Variants in ALOX5 observed in about 807,000 individuals in gnomAD.
The protein encoded by ALOX5 is polyunsaturated fatty acid 5-lipoxygenase.
A neutral mutation model predicts 87.9 loss-of-function variants in ALOX5; 64 were observed. The observed-to-expected ratio is 0.73, with a 90% confidence interval of 0.60 to 0.90. ALOX5 has a LOEUF of 0.90. Among genes scored for constraint, ALOX5 ranks in the 40% least tolerant of loss-of-function variants. The pLI is 0.00. For missense variants in ALOX5, 822 were observed against 907.5 expected, an observed-to-expected ratio of 0.91 and a Z score of 1.21; for synonymous variants, 388 against 355.1, an observed-to-expected ratio of 1.09 and a Z score of -1.04.
chr10:45,443,889 GC>G, intron 12 of ALOX5, 61 bp downstream of exon 12: 1 of 1,525,900 alleles, frequency 6.6e-7, no homozygotes, highest in East Asian at 2.5e-5. Context: ...CTCCTCCCCC[GC>G]CCCGGTTCTG....
chr10:45,412,048 G>C, intron 3 of ALOX5, 143 bp from the exon 4 acceptor site: 3 of 1,229,614 alleles, frequency 2.4e-6, no homozygotes. Context: ...CTGGACACAG[G>C]GTCAGCCTAT....
chr10:45,429,190 G>A (rs989046995), intron 7 of ALOX5, among the ~76,000 whole-genome samples: 3 of 152,156 alleles, frequency 2.0e-5, no homozygotes, highest in Non-Finnish European at 4.4e-5. Context: ...TATGTCCACC[G>A]GAGATGAGGC....
chr10:45,423,359 A>C (rs1200935487), intron 4 of ALOX5, among the ~76,000 whole-genome samples: 1 of 151,938 alleles, frequency 6.6e-6, no homozygotes, highest in Admixed American at 6.6e-5. Flanking sequence ...ACTGGGCAGC[A>C]CTCCCACGCT....
At chr10:45,442,448 C>T (rs1842266255) in intron 9 of ALOX5, among the ~76,000 whole-genome samples, 1 of 152,222 alleles carries the variant, frequency 6.6e-6, no homozygotes, top group Admixed American at 6.5e-5. Flanking sequence ...TCTGTGGCAC[C>T]GACAGCCCAG....
chr10:45,395,555 T>C (rs909105811), intron 2 of ALOX5, among the ~76,000 whole-genome samples: 1 of 151,576 alleles, frequency 6.6e-6, no homozygotes, highest in African/African-American at 2.4e-5. Context: ...TGTATACATA[T>C]GTAACAAACC....
At chr10:45,399,242 A>G (rs1840615254) in intron 3 of ALOX5, among the ~76,000 whole-genome samples, 1 of 152,244 alleles carries the variant, frequency 6.6e-6, no homozygotes, top group African/African-American at 2.4e-5. Flanking sequence ...TTTCTGGAAA[A>G]GAAAAATCTG....
At chr10:45,409,160 A>G (rs560170619) in intron 3 of ALOX5, among the ~76,000 whole-genome samples, 166 of 152,352 alleles carry the variant, frequency 1.1e-3, no homozygotes, top group African/African-American at 3.5e-3. Flanking sequence ...ATGCTGAGCC[A>G]TCACCAATCT....
intron 2 of ALOX5, among the ~76,000 whole-genome samples, chr10:45,389,631 A>T (rs1285752393): frequency 1.3e-5 from 2 of 152,232 alleles, no homozygotes; most frequent in African/African-American, 4.8e-5. Context: ...TCCTTTACAG[A>T]CAAGCAAATG....
At chr10:45,443,998 G>A in intron 12 of ALOX5, 118 bp from the exon 13 acceptor site, 1 of 1,439,146 alleles carries the variant, frequency 6.9e-7, no homozygotes, top group South Asian at 1.4e-5. Flanking sequence ...CGGGGAAAGA[G>A]GATGGACGGA....
At chr10:45,419,061 C>G (rs982828268) in intron 4 of ALOX5, among the ~76,000 whole-genome samples, 9 of 152,178 alleles carry the variant, frequency 5.9e-5, no homozygotes, top group African/African-American at 2.2e-4. Flanking sequence ...ACCACAGGGG[C>G]GCTTTCCAGT....
chr10:45,374,765 G>A (rs1588971048), intron 1 of ALOX5, among the ~76,000 whole-genome samples: 1 of 152,188 alleles, frequency 6.6e-6, no homozygotes, highest in South Asian at 2.1e-4. Context: ...TCTGGGCTCC[G>A]AGGCTCCGGA....
chr10:45,428,415 C>G, intron 6 of ALOX5: 1 of 621,610 alleles, frequency 1.6e-6, no homozygotes, highest in Non-Finnish European at 2.7e-6. Flanking sequence ...ATTCCTTCAT[C>G]TTACCCCGAA....
chr10:45,421,008 G>A (rs1841486626), intron 4 of ALOX5, among the ~76,000 whole-genome samples: 2 of 152,240 alleles, frequency 1.3e-5, no homozygotes, highest in African/African-American at 2.4e-5. Flanking sequence ...GAAAGCTGAA[G>A]ATGCAGGAGA....
chr10:45,419,178 G>T (rs1363387392), intron 4 of ALOX5, among the ~76,000 whole-genome samples: 1 of 152,258 alleles, frequency 6.6e-6, no homozygotes, highest in African/African-American at 2.4e-5. Context: ...CTGTCAGGCC[G>T]CGCGGAGGCT....
At chr10:45,393,988 C>T (rs1256830811) in intron 2 of ALOX5, among the ~76,000 whole-genome samples, 5 of 152,220 alleles carry the variant, frequency 3.3e-5, no homozygotes, top group Admixed American at 3.3e-4. Context: ...ATCCCATGCT[C>T]ATGGATAGGA....
intron 1 of ALOX5, among the ~76,000 whole-genome samples, chr10:45,381,141 G>C (rs549609322): frequency 1.8e-4 from 28 of 152,252 alleles, no homozygotes; most frequent in Non-Finnish European, 2.6e-4. Context: ...GAGCCTGGCA[G>C]GGAGGGGGCC....
At position 45,390,483 on chromosome 10, in the gene ALOX5, C is replaced by A. The variant is rs57808325; in HGVS notation, c.350-5372C>A. 8.0e-3 allele frequency among the ~76,000 whole-genome samples: 1,221 copies of A among 152,304 alleles called. 15 individuals carry two copies. The highest frequency in any genetic ancestry group is 0.028 in the African/African-American group (1,156 of 41,546). The stretch of plus-strand genomic sequence containing the variant: ...AAATGTAAAAGAACAGAAACCATAA[C>A]AAACTGTCTCTCAGACCACAGTGCA... On this transcript the variant is annotated intron_variant, in intron 2 of 13. Transcript: ENST00000374391.
chr10:45,381,133 G>A (rs538387681), intron 1 of ALOX5, among the ~76,000 whole-genome samples: 2 of 152,360 alleles, frequency 1.3e-5, no homozygotes, highest in South Asian at 4.1e-4. Flanking sequence ...GGAAGCAGGA[G>A]CCTGGCAGGG....
At chr10:45,400,598 CAAAAA>C (rs1312665991) in intron 3 of ALOX5, among the ~76,000 whole-genome samples, 3 of 151,630 alleles carry the variant, frequency 2.0e-5, no homozygotes, top group African/African-American at 7.3e-5. Context: ...GACTCCATTT[CAAAAA>C]AAGAAAAGAA....
Sources: gnomAD v4.1 joint callset for allele counts (sites outside exome capture counted in the v4.1 genomes callset) on GRCh38, gnomAD v4.1.1 for gene constraint, MANE v1.5 for transcripts, NCBI Gene and HGNC (gene_info 2026-07-23, HGNC 2026-07-21) for gene names.